Variants in P2RX3 observed in about 807,000 individuals in gnomAD.
The protein encoded by P2RX3 is purinergic receptor P2X 3.
Under a neutral mutation model 51.5 loss-of-function variants are expected in P2RX3, and 41 were observed. That is an observed-to-expected ratio of 0.80 (90% CI 0.62 to 1.03). P2RX3 has a LOEUF of 1.03. P2RX3 is among the 50% of genes least tolerant of loss of function. The probability of loss-of-function intolerance (pLI) is 0.00; values close to 1 mark genes in which losing one functional copy is unlikely to be tolerated. For missense variants in P2RX3, 459 were observed against 522.1 expected, an observed-to-expected ratio of 0.88 and a Z score of 1.18; for synonymous variants, 185 against 191.6, an observed-to-expected ratio of 0.97 and a Z score of 0.29.
At chr11:57,359,572 G>C (rs889460779) in intron 8 of P2RX3, among the ~76,000 whole-genome samples, 1 of 152,176 alleles carries the variant, frequency 6.6e-6, no homozygotes, top group African/African-American at 2.4e-5. Flanking sequence ...GCAGCTGTTC[G>C]GGCTCTGTTC....
intron 8 of P2RX3, among the ~76,000 whole-genome samples, chr11:57,351,351 T>C (rs1856545367): frequency 6.6e-6 from 1 of 152,232 alleles, no homozygotes; most frequent in South Asian, 2.1e-4. Flanking sequence ...CAACTTTGCA[T>C]TTCTCTCCGC....
intron 7 of P2RX3, 93 bp from the exon 8 acceptor site, chr11:57,350,669 T>C: frequency 6.5e-7 from 1 of 1,532,278 alleles, no homozygotes; most frequent in Non-Finnish European, 8.9e-7. Context: ...TGGGAGGAAA[T>C]CATTTGTCAC....
At chr11:57,362,585 G>A (rs1186911574) in intron 8 of P2RX3, among the ~76,000 whole-genome samples, 3 of 152,196 alleles carry the variant, frequency 2.0e-5, no homozygotes, top group African/African-American at 4.8e-5. Flanking sequence ...ACCAGCTGGA[G>A]AACGAAATTA....
rs1339617337 is a variant in P2RX3 at position 57,371,161 on chromosome 11, G to A, written c.*1164G>A. Among the ~76,000 whole-genome samples, 3 of 152,220 alleles carry A rather than the reference G, an allele frequency of 2.0e-5. No homozygotes were observed. The highest frequency in any genetic ancestry group is 4.4e-5 in the Non-Finnish European group (3 of 68,034). On this transcript the variant is annotated 3_prime_UTR_variant, in exon 12 of 12. Transcript: ENST00000263314. The stretch of plus-strand genomic sequence containing the variant: ...CACATGTCCTGGCCCTTCAGGGAAG[G>A]AGGCAAGAACAGGAAGCTGGATCCA...
At chr11:57,338,239 C>A (rs1218415031), upstream of P2RX3, 2 of 223,214 alleles carry the variant, frequency 9.0e-6, no homozygotes, top group Non-Finnish European at 1.8e-5. Context: ...AGGGCTCCAG[C>A]CAGCTACATC....
intron 8 of P2RX3, among the ~76,000 whole-genome samples, chr11:57,357,586 C>A (rs1014309408): frequency 2.0e-4 from 30 of 152,174 alleles, no homozygotes; most frequent in Non-Finnish European, 8.8e-5. Flanking sequence ...CATCTTCTGG[C>A]TCCAGGTCCA....
intron 2 of P2RX3, among the ~76,000 whole-genome samples, 169 bp from the exon 3 acceptor site, chr11:57,346,947 G>T (rs190834967): frequency 6.6e-6 from 1 of 152,308 alleles, no homozygotes; most frequent in Admixed American, 6.5e-5. Flanking sequence ...GGGCCATGTG[G>T]GTGGCTGCAA....
chr11:57,369,401 AG>A lies in P2RX3; in HGVS notation c.1048del (p.Ala350ProfsTer12). ...GACATCATCCTGCTCAACTTCCTCAAGGGGGCCGACCAGTACAAAGCCAAGA... is the reference window on the plus strand; with the variant it reads ...GACATCATCCTGCTCAACTTCCTCAAGGGGCCGACCAGTACAAAGCCAAGA... ...LCDIILLNFL[K>X]GADQYKAKKF... On this transcript the variant is annotated frameshift_variant, in exon 11 of 12. Transcript: ENST00000263314. LOFTEE classifies it high-confidence loss of function. 2 of 1,609,910 alleles carry A rather than the reference AG, an allele frequency of 1.2e-6. No individual in the cohort carries two copies. The highest frequency in any genetic ancestry group is 1.7e-6 in the Non-Finnish European group (2 of 1,178,350).
chr11:57,347,347 G>A (rs1047326851), intron 3 of P2RX3, 68 bp from the exon 4 acceptor site: 35 of 1,529,858 alleles, frequency 2.3e-5, no homozygotes, highest in African/African-American at 2.7e-5. Flanking sequence ...TGGGGAGGTC[G>A]AGGGAGTCGC....
At position 57,348,239 on chromosome 11, in the gene P2RX3, C is replaced by T. The variant is rs1279952168; in HGVS notation, c.461C>T (p.Pro154Leu). Reference protein sequence around the residue: ...LRTCEIQGWCPTEVDTVETPI... With the variant: ...LRTCEIQGWCLTEVDTVETPI... Reference sequence around the variant, plus strand: ...ACCTGTGAGATCCAGGGCTGGTGCCCCACGGAGGTGGACACAGTGGAAACG... The same window carrying T: ...ACCTGTGAGATCCAGGGCTGGTGCCTCACGGAGGTGGACACAGTGGAAACG... Residue 154 changes from proline to leucine, a missense_variant, in exon 5 of 12, where the codon CCC (proline) becomes CTC (leucine). Pro to Leu is a moderately conservative substitution (Grantham distance 98, BLOSUM62 -3). Transcript: ENST00000263314. 6.2e-7 allele frequency: 1 copy of T among 1,604,268 alleles called. No individual in the cohort carries two copies. The highest frequency in any genetic ancestry group is 8.5e-7 in the Non-Finnish European group (1 of 1,175,900).
chr11:57,369,383 T>C lies in P2RX3; in HGVS notation c.1025T>C (p.Ile342Thr), dbSNP rs776116864. 1.4e-5 allele frequency: 23 copies of C among 1,610,988 alleles called. No individual in the cohort carries two copies. The highest frequency in any genetic ancestry group is 1.9e-5 in the Non-Finnish European group (22 of 1,178,786). Residue 342 changes from isoleucine to threonine, a missense_variant, in exon 11 of 12, where the codon ATC (isoleucine) becomes ACC (threonine). Physicochemically the swap from Ile to Thr is moderately conservative, Grantham distance 89. Coordinates refer to ENST00000263314, the MANE Select transcript of P2RX3 (RefSeq NM_002559.5). ...CAGGGAACTGTTCTCTGTGACATCA[T>C]CCTGCTCAACTTCCTCAAGGGGGCC... ...VGVGTVLCDIILLNFLKGADQ... is the reference protein window; with the variant it reads ...VGVGTVLCDITLLNFLKGADQ...
chr11:57,344,659 A>G (rs1417472507), intron 1 of P2RX3, among the ~76,000 whole-genome samples: 1 of 152,212 alleles, frequency 6.6e-6, no homozygotes, highest in African/African-American at 2.4e-5. Flanking sequence ...AGATGGCGCC[A>G]GTGCCTGGGT....
chr11:57,359,184 G>A (rs1274750053), intron 8 of P2RX3, among the ~76,000 whole-genome samples: 1 of 152,222 alleles, frequency 6.6e-6, no homozygotes, highest in Non-Finnish European at 1.5e-5. Flanking sequence ...GACAGGAGCA[G>A]CAGTCAAAGT....
At chr11:57,359,771 C>T (rs1262003480) in intron 8 of P2RX3, among the ~76,000 whole-genome samples, 1 of 152,204 alleles carries the variant, frequency 6.6e-6, no homozygotes, top group Non-Finnish European at 1.5e-5. Flanking sequence ...AGCCAGATTT[C>T]AGATCCCAGC....
intron 8 of P2RX3, among the ~76,000 whole-genome samples, chr11:57,356,522 T>C (rs746095682): frequency 9.9e-5 from 15 of 152,196 alleles, no homozygotes; most frequent in Non-Finnish European, 1.9e-4. Flanking sequence ...GTGTTTCTAG[T>C]GATCGTTTTA....
Position 57,356,292 on chromosome 11 carries a change from A to G in P2RX3, c.842+5394A>G, listed in dbSNP as rs186728533. On this transcript the variant is annotated intron_variant, in intron 8 of 11. Coordinates refer to ENST00000263314, the MANE Select transcript of P2RX3 (RefSeq NM_002559.5). ...CATCACATGGCCTGCAAAAAAGGGG[A>G]AAAAAAAATAGCTCTAAGAGATATA... Among the ~76,000 whole-genome samples the G allele has an allele frequency of 1.6e-3, 226 of 145,440 alleles. 3 individuals are homozygous for G. In the Middle Eastern group the frequency reaches 0.025, roughly 16 times the overall value.
intron 6 of P2RX3, 96 bp from the exon 7 acceptor site, chr11:57,349,661 T>TC: frequency 2.7e-6 from 4 of 1,483,820 alleles, no homozygotes; most frequent in East Asian, 2.3e-5. Flanking sequence ...AGGGCTCAGA[T>TC]CCCCCCTAGG....
chr11:57,355,993 C>A (rs1565068763), intron 8 of P2RX3, among the ~76,000 whole-genome samples: 1 of 152,072 alleles, frequency 6.6e-6, no homozygotes, highest in Non-Finnish European at 1.5e-5. Context: ...TAGCAAGACT[C>A]CTTCTCTACA....
intron 4 of P2RX3, 121 bp downstream of exon 4, chr11:57,347,599 A>G: frequency 1.7e-6 from 2 of 1,147,970 alleles, no homozygotes; most frequent in South Asian, 2.8e-5. Context: ...TGGCATTTAC[A>G]GTTGCTCCCT....
Sources: allele counts gnomAD v4.1 joint callset (sites outside exome capture counted in the v4.1 genomes callset), GRCh38; gene constraint gnomAD v4.1.1; transcripts MANE v1.5; gene names NCBI Gene and HGNC (gene_info 2026-07-23, HGNC 2026-07-21).